Variants in REXO1 observed in about 807,000 individuals in gnomAD.
The protein encoded by REXO1 is REX1, RNA exonuclease 1 homolog.
In REXO1, 42 loss-of-function variants were observed where a neutral mutation model predicts 102.6. The observed-to-expected ratio is 0.41, with a 90% CI of 0.32 to 0.53. REXO1 has a LOEUF of 0.53. Ranked by LOEUF, REXO1 falls within the 20% of genes least tolerant of loss-of-function variation. REXO1 has a pLI of 0.27. For synonymous variants in REXO1, 908 were observed against 779.1 expected, an observed-to-expected ratio of 1.17 and a Z score of -2.76; for missense variants, 1,819 against 1,732.5, an observed-to-expected ratio of 1.05 and a Z score of -0.89.
intron 1 of REXO1, among the ~76,000 whole-genome samples, chr19:1,829,938 G>C (rs1035492785): frequency 6.6e-6 from 1 of 152,188 alleles, no homozygotes; most frequent in Non-Finnish European, 1.5e-5. Context: ...TGCTGTGCCT[G>C]GCTTAAAGCA....
intron 1 of REXO1, among the ~76,000 whole-genome samples, chr19:1,839,687 C>A (rs571549007): frequency 1.3e-5 from 2 of 152,266 alleles, no homozygotes; most frequent in Admixed American, 1.3e-4. Flanking sequence ...AGAGAGGGCA[C>A]GCAGCCTGCA....
At chr19:1,825,786 TTAAAAA>T in intron 3 of REXO1, 47 bp downstream of exon 3, 1 of 1,137,678 alleles carries the variant, frequency 8.8e-7, no homozygotes, top group African/African-American at 1.6e-5. Context: ...AACCTCGTCT[TTAAAAA>T]AAAAAAAAAA....
intron 10 of REXO1, 43 bp from the exon 11 acceptor site, chr19:1,817,823 A>G: frequency 6.5e-7 from 1 of 1,544,126 alleles, no homozygotes; most frequent in Non-Finnish European, 8.9e-7. Flanking sequence ...GGCCAGGCCC[A>G]CTCCACAGCC....
chr19:1,828,274 G>A lies in REXO1; in HGVS notation c.515C>T (p.Ala172Val), dbSNP rs779510149. Reference sequence around the variant, plus strand: ...GTACTTGCTGCCCGGCTCGGCAGGGGCGGCCAGTGGGGTGGGCTGGTAGCC... The same window carrying A: ...GTACTTGCTGCCCGGCTCGGCAGGGACGGCCAGTGGGGTGGGCTGGTAGCC... ...DAGYQPTPLA[A>V]PAEPGSKYSL... The change falls in exon 2 of 16, where the codon GCC becomes GTC. Residue 172 changes from alanine to valine, a missense_variant. Transcript: ENST00000170168. 5.0e-6 allele frequency: 8 copies of A among 1,606,640 alleles called. No homozygotes were observed. The Admixed American group carries it at 1.3e-4, about 27-fold the overall frequency.
intron 4 of REXO1, chr19:1,823,262 C>G (rs780897560): frequency 8.5e-6 from 3 of 353,742 alleles, no homozygotes; most frequent in African/African-American, 6.3e-5. Flanking sequence ...TGCCAGGTAC[C>G]CCGACATGGC....
At chr19:1,818,375 G>T in intron 10 of REXO1, 107 bp downstream of exon 10, 1 of 809,580 alleles carries the variant, frequency 1.2e-6, no homozygotes, top group South Asian at 1.7e-5. Context: ...CCCTGAGTGG[G>T]ATGGAGGGCC....
chr19:1,824,938 A>G (rs1263118804), intron 3 of REXO1, among the ~76,000 whole-genome samples: 1 of 151,640 alleles, frequency 6.6e-6, no homozygotes, highest in Non-Finnish European at 1.5e-5. Context: ...GGTGCGTGCC[A>G]CCGCGCCCAG....
At chr19:1,839,075 G>A (rs1336514904) in intron 1 of REXO1, among the ~76,000 whole-genome samples, 2 of 152,084 alleles carry the variant, frequency 1.3e-5, no homozygotes, top group Non-Finnish European at 2.9e-5. Context: ...GGGCAACACG[G>A]TGAAACTCTG....
chr19:1,835,526 C>A (rs200098475), intron 1 of REXO1, among the ~76,000 whole-genome samples: 1 of 152,130 alleles, frequency 6.6e-6, no homozygotes, highest in African/African-American at 2.4e-5. Context: ...CCAACCTGGG[C>A]GACAGAGCTA....
rs1200660782 is a variant in REXO1, at chr19:1,828,573, A to G, written c.216T>C (p.Asn72=). The change falls in exon 2 of 16, where the codon AAT becomes AAC. Residue 72 remains asparagine (N), a synonymous_variant. Transcript: ENST00000170168. ...ELPKPPAQRE[N]GTLGLGEEPR... is the part of the protein sequence containing the mutation. The stretch of plus-strand genomic sequence containing the variant: ...GCTCCTCCCCCAGGCCCAGGGTGCC[A>G]TTCTCCCTCTGCGCGGGGGGCTTGG... 8.7e-6 allele frequency: 14 copies of G among 1,603,922 alleles called. No homozygotes were observed. The highest frequency in any genetic ancestry group is 5.3e-5 in the African/African-American group (4 of 74,914).
At chr19:1,831,452 C>CGA (rs2069898691) in intron 1 of REXO1, among the ~76,000 whole-genome samples, 1 of 152,138 alleles carries the variant, frequency 6.6e-6, no homozygotes, top group African/African-American at 2.4e-5. Flanking sequence ...CACAAGACCT[C>CGA]CCACTGTGGG....
At chr19:1,817,364 G>A (rs779553137) in intron 11 of REXO1, 35 bp from the exon 12 acceptor site, 1 of 1,607,814 alleles carries the variant, frequency 6.2e-7, no homozygotes, top group Non-Finnish European at 8.5e-7. Flanking sequence ...GGCAGCTTCG[G>A]GGTGCAGTGG....
chr19:1,837,311 C>T (rs1164172764), intron 1 of REXO1, among the ~76,000 whole-genome samples: 3 of 152,134 alleles, frequency 2.0e-5, no homozygotes, highest in Non-Finnish European at 2.9e-5. Context: ...CTCCAACCCT[C>T]ACAGTGGGAC....
chr19:1,817,165 C>G (rs918504787), intron 12 of REXO1, 54 bp downstream of exon 12: 35 of 1,142,620 alleles, frequency 3.1e-5, no homozygotes, highest in Non-Finnish European at 4.0e-5. Flanking sequence ...GCGGCCGCAC[C>G]AGGCCAGGTC....
At chr19:1,843,051 G>A (rs1367825231) in intron 1 of REXO1, among the ~76,000 whole-genome samples, 4 of 152,200 alleles carry the variant, frequency 2.6e-5, no homozygotes, top group Admixed American at 6.5e-5. Context: ...AACATCAAGA[G>A]TCACGGGGCA....
intron 3 of REXO1, chr19:1,824,507 T>G (rs2069649152): frequency 6.6e-6 from 1 of 152,200 alleles, no homozygotes; most frequent in African/African-American, 2.4e-5. Flanking sequence ...GCTTTCAAGT[T>G]TTTTTGCCCC....
intron 1 of REXO1, among the ~76,000 whole-genome samples, 164 bp downstream of exon 1, chr19:1,848,038 C>T (rs919393053): frequency 3.3e-5 from 5 of 152,192 alleles, no homozygotes; most frequent in African/African-American, 4.8e-5. Flanking sequence ...TGCTTTGCAC[C>T]GGGTCCCAGG....
At chr19:1,845,732 C>T (rs2011506092) in intron 1 of REXO1, among the ~76,000 whole-genome samples, 1 of 152,206 alleles carries the variant, frequency 6.6e-6, no homozygotes, top group Admixed American at 6.5e-5. Context: ...AAACCTGAGT[C>T]CTTCAGCAGT....
At position 1,827,893 on chromosome 19, in the gene REXO1, T is replaced by C; in HGVS notation, c.896A>G (p.Asn299Ser). ...SEDEAATVPGNEPTTASTPKA... is the reference protein window; with the variant it reads ...SEDEAATVPGSEPTTASTPKA... ...GGGGGTGCTGGCCGTGGTGGGCTCGTTACCTGGGACCGTGGCGGCCTCATC... is the reference window on the plus strand; with the variant it reads ...GGGGGTGCTGGCCGTGGTGGGCTCGCTACCTGGGACCGTGGCGGCCTCATC... The change falls in exon 2 of 16, where the codon AAC becomes AGC. Residue 299 changes from asparagine (N) to serine (S), a missense_variant. Transcript: ENST00000170168. The C allele has an allele frequency of 6.2e-7, 1 of 1,613,734 alleles. No homozygotes were observed.
Sources: allele counts gnomAD v4.1 joint callset (sites outside exome capture counted in the v4.1 genomes callset), GRCh38; gene constraint gnomAD v4.1.1; transcripts MANE v1.5; gene names NCBI Gene and HGNC (gene_info 2026-07-23, HGNC 2026-07-21).